NELFA: variants seen among roughly 807,000 people sequenced by gnomAD.
NELFA encodes the protein negative elongation factor A.
Under a neutral mutation model 51.8 loss-of-function variants are expected in NELFA, and 35 were observed. The ratio of observed to expected loss-of-function variants is 0.68; its 90% CI spans 0.52 to 0.90. NELFA has a LOEUF of 0.90. NELFA is among the 40% of genes least tolerant of loss of function. NELFA has a pLI of 0.00. For missense variants in NELFA, 658 were observed against 746.4 expected (o/e 0.88, Z 1.38); for synonymous variants, 417 against 338.4 (o/e 1.23, Z -2.55).
intron 1 of NELFA, among the ~76,000 whole-genome samples, chr4:2,007,469 A>G (rs1728738066): frequency 6.6e-6 from 1 of 152,240 alleles, no homozygotes. Flanking sequence ...AGTCAGCTGC[A>G]ACGTGGATGA....
chr4:1,992,265 C>G (rs1455000041), intron 1 of NELFA: 1 of 237,526 alleles, frequency 4.2e-6, no homozygotes, highest in Non-Finnish European at 8.5e-6. Context: ...ACGGCTGCCT[C>G]TGGGTCTGGA....
Position 1,989,945 on chromosome 4 carries a change from C to A in NELFA, c.383-76G>T. ...CGGCTGAGAGGAGCTGGCGGCTGCC[C>A]AGCCCCACACCCTCCTCAGTTAGGG... On this transcript the variant is annotated intron_variant, in intron 2 of 10. Coordinates refer to ENST00000382882, the MANE Select transcript of NELFA (RefSeq NM_005663.5). This position sits in a 1 kb window ranked among gnomAD's most constrained non-coding sequence, Gnocchi z 4.8. 6.5e-7 allele frequency: 1 copy of A among 1,532,066 alleles called. No homozygotes were observed. Among genetic ancestry groups the A allele is most frequent in the South Asian group, 1.2e-5 (1 of 80,384 alleles). The allele number at this position is 1,532,066 out of a possible 1,614,324, so 94.9% of individuals were successfully genotyped here. A position where few individuals can be genotyped will look rare whatever the true frequency, so the allele number is the denominator to read the frequency against.
intron 1 of NELFA, among the ~76,000 whole-genome samples, chr4:2,005,351 G>A (rs931905408): frequency 2.6e-5 from 4 of 151,896 alleles, no homozygotes; most frequent in Non-Finnish European, 5.9e-5. Flanking sequence ...AAAATAATAT[G>A]AAGTGCACAG....
intron 6 of NELFA, 106 bp from the exon 7 acceptor site, chr4:1,985,970 G>A: frequency 7.5e-7 from 1 of 1,341,274 alleles, no homozygotes; most frequent in South Asian, 1.4e-5. Context: ...CCACCAAGGA[G>A]CGAGGAGAAA....
rs545539529 is a variant in NELFA, at chr4:1,996,183, T to C, written c.211-4468A>G. Among the ~76,000 whole-genome samples the C allele has an allele frequency of 3.9e-5, 6 of 152,290 alleles. No homozygotes were observed. In the South Asian group the frequency reaches 8.3e-4, roughly 21 times the overall value. ...AATTTCAAACGACTAAAATAAACCA[T>C]ATTCTCTGACAAGAGCTCAATACAG... is the stretch of plus-strand genomic sequence containing the variant. On this transcript the variant is annotated intron_variant, in intron 1 of 10. Transcript: ENST00000382882.
In NELFA at chr4:1,983,714, T is replaced by C. The variant is rs914417241; in HGVS notation, c.1303-19A>G. On this transcript the variant is annotated intron_variant, in intron 9 of 10. Coordinates refer to ENST00000382882, the MANE Select transcript of NELFA (RefSeq NM_005663.5). ...GCTCTCTCTACAGCGGGGAGAGGGG[T>C]GTGGGTGCCAGGGCCCCGCCAGGAC... 1.9e-6 allele frequency: 3 copies of C among 1,611,592 alleles called. No individual in the cohort carries two copies. The African/African-American group carries it at 4.0e-5, about 22-fold the overall frequency.
In NELFA at chr4:1,989,802, C is replaced by A. The variant is rs370288755; in HGVS notation, c.450G>T (p.Thr150=). The A allele has an allele frequency of 6.2e-7, 1 of 1,614,180 alleles. No homozygotes were observed. ...ECQYLNKNAL[T]TLAGPLTPPV... is the part of the protein sequence containing the mutation. ...GGGGAGTGAGGGGTCCCGCGAGGGT[C>A]GTCAGGGCGTTTTTGTTCAAGTACT... The change falls in exon 3 of 11, where the codon ACG becomes ACT. Residue 150 remains threonine (T), a synonymous_variant. Transcript: ENST00000382882. This position sits in a 1 kb window ranked among gnomAD's most constrained non-coding sequence, Gnocchi z 4.8.
intron 1 of NELFA, 64 bp downstream of exon 1, chr4:2,008,686 G>T (rs1270928252): frequency 6.5e-6 from 10 of 1,537,976 alleles, no homozygotes; most frequent in Non-Finnish European, 8.8e-6. Flanking sequence ...CCGGAGTTGG[G>T]TGTGCGGGTC....
At chr4:2,006,006 T>C (rs1436266444) in intron 1 of NELFA, among the ~76,000 whole-genome samples, 1 of 152,134 alleles carries the variant, frequency 6.6e-6, no homozygotes, top group African/African-American at 2.4e-5. Flanking sequence ...ATAAGATACA[T>C]GTGGAAGTGT....
chr4:1,990,894 A>G (rs1728250813), intron 2 of NELFA, among the ~76,000 whole-genome samples: 1 of 152,194 alleles, frequency 6.6e-6, no homozygotes, highest in Non-Finnish European at 1.5e-5. Flanking sequence ...TTGGCCTCCC[A>G]GGCTCAAGTG....
intron 1 of NELFA, among the ~76,000 whole-genome samples, chr4:2,005,389 A>C (rs1224067347): frequency 6.6e-6 from 1 of 152,196 alleles, no homozygotes; most frequent in Non-Finnish European, 1.5e-5. Context: ...TATAGAAAAA[A>C]AAAATTTTGC....
At chr4:1,993,160 T>C (rs948706659) in intron 1 of NELFA, among the ~76,000 whole-genome samples, 9 of 152,094 alleles carry the variant, frequency 5.9e-5, no homozygotes, top group Admixed American at 4.6e-4. Flanking sequence ...TTTATAAAAA[T>C]GGTAAGGATA....
rs940596127 is a variant in NELFA at position 1,991,612 on chromosome 4, G to A, written c.314C>T (p.Ser105Leu). The A allele has an allele frequency of 6.2e-6, 10 of 1,613,890 alleles. No homozygotes were observed. The highest frequency in any genetic ancestry group is 1.1e-5 in the South Asian group (1 of 91,078). ...CTGCTCCTCCAGCTCCAGGTTAAGCGAGCCTGTGTCCGGAAAGGACTTCAA... is the reference window on the plus strand; with the variant it reads ...CTGCTCCTCCAGCTCCAGGTTAAGCAAGCCTGTGTCCGGAAAGGACTTCAA... ...DILKSFPDTG[S>L]LNLELEEQNP... Residue 105 changes from serine (S) to leucine (L), a missense_variant, in exon 2 of 11, where the codon TCG becomes TTG. By Grantham distance (145) the Ser-to-Leu change is moderately radical. Transcript: ENST00000382882.
chr4:1,986,628 AC>A (rs764323455), intron 4 of NELFA: 71 of 560,612 alleles, frequency 1.3e-4, no homozygotes, highest in East Asian at 9.6e-4. Flanking sequence ...AGACAGCGGC[AC>A]CCCAGCCCAG....
chr4:1,989,870 C>T lies in NELFA; in HGVS notation c.383-1G>A. The T allele has an allele frequency of 6.2e-7, 1 of 1,612,828 alleles. No homozygotes were observed. Among genetic ancestry groups the T allele is most frequent in the Non-Finnish European group, 8.5e-7 (1 of 1,179,446 alleles). Reference sequence around the variant, plus strand: ...ATGGCAGACGCTTCACACTCACCCACTGCCGGTAAGAACCACATGAAGTTA... The same window carrying T: ...ATGGCAGACGCTTCACACTCACCCATTGCCGGTAAGAACCACATGAAGTTA... On this transcript the variant is annotated splice_acceptor_variant, in intron 2 of 10. Coordinates refer to ENST00000382882, the MANE Select transcript of NELFA (RefSeq NM_005663.5). LOFTEE classifies it high-confidence loss of function. The surrounding 1 kb of genome is among the most constrained non-coding windows in gnomAD (Gnocchi z 4.8).
At chr4:1,986,799 C>G (rs1484206639) in intron 4 of NELFA, among the ~76,000 whole-genome samples, 2 of 152,136 alleles carry the variant, frequency 1.3e-5, no homozygotes, top group Non-Finnish European at 2.9e-5. Context: ...CTCCTGAGGC[C>G]TACCTACGCT....
intron 1 of NELFA, among the ~76,000 whole-genome samples, chr4:2,002,069 G>C (rs540035972): frequency 1.4e-5 from 2 of 147,198 alleles, no homozygotes; most frequent in African/African-American, 2.5e-5. Context: ...GCATGGTGGC[G>C]GGCGCCTGTA....
At chr4:1,996,029 G>A (rs1431954831) in intron 1 of NELFA, among the ~76,000 whole-genome samples, 2 of 152,158 alleles carry the variant, frequency 1.3e-5, no homozygotes, top group Non-Finnish European at 2.9e-5. Context: ...TGTACAACAT[G>A]ATTATACAAA....
chr4:1,997,591 CA>C lies in NELFA; in HGVS notation c.211-5877del, dbSNP rs1163827624. Among the ~76,000 whole-genome samples, 3 of 152,274 alleles carry C rather than the reference CA, an allele frequency of 2.0e-5. No individual in the cohort carries two copies. The East Asian group carries it at 5.8e-4, about 29-fold the overall frequency. On this transcript the variant is annotated intron_variant, in intron 1 of 10. Coordinates refer to ENST00000382882, the MANE Select transcript of NELFA (RefSeq NM_005663.5). ...CTCACACCCACTAGGATCGCTATAT[CA>C]AAAAGATAACAAATGTTGGCAAGGA...
Sources: gnomAD v4.1 joint callset for allele counts (sites outside exome capture counted in the v4.1 genomes callset) on GRCh38, gnomAD v4.1.1 for gene constraint, Gnocchi (gnomAD v3.1) non-coding constraint, MANE v1.5 for transcripts, NCBI Gene and HGNC (gene_info 2026-07-23, HGNC 2026-07-21) for gene names.